The following ANKRD46 variants were observed in gnomAD, a reference collection of about 807,000 sequenced individuals.
ANKRD46 encodes ankyrin repeat domain-containing protein 46.
ANKRD46 carries 13 observed loss-of-function variants against 19.8 expected under a neutral mutation model. The observed-to-expected ratio is 0.66, with a 90% CI of 0.43 to 1.04. The LOEUF (loss-of-function observed/expected upper bound fraction) is 1.04, where lower values mean the gene tolerates loss of function less well. ANKRD46 is among the 50% of genes least tolerant of loss of function. The pLI is 0.00. For synonymous variants in ANKRD46, 91 were observed against 106.9 expected (o/e 0.85, Z 0.92); for missense variants, 185 against 274.8 (o/e 0.67, Z 2.31).
Position 100,529,943 on chromosome 8 carries a change from A to C in ANKRD46, c.-27-83T>G. 1.1e-4 allele frequency: 119 copies of C among 1,127,238 alleles called. No homozygotes were observed. The highest frequency in any genetic ancestry group is 1.3e-4 in the Non-Finnish European group (103 of 808,976). 69.8% of individuals were successfully genotyped at this position (1,127,238 alleles called of 1,614,324 possible). ...GTCATTTAGAAAAGCAATATTTCTC[A>C]TCCTTTTTGGCCTCCTGCCTCTAAT... On this transcript the variant is annotated intron_variant, in intron 2 of 4. Coordinates refer to ENST00000335659, the MANE Select transcript of ANKRD46 (RefSeq NM_001270377.2). This position sits in a 1 kb window ranked among gnomAD's most constrained non-coding sequence, Gnocchi z 5.8.
chr8:100,535,221 T>G (rs1264531382), intron 1 of ANKRD46, among the ~76,000 whole-genome samples: 1 of 152,202 alleles, frequency 6.6e-6, no homozygotes, highest in Non-Finnish European at 1.5e-5. Context: ...TAGACCTTAC[T>G]CACTAGACTC....
In ANKRD46 at chr8:100,510,517, G is replaced by A. The variant is rs1487556215; in HGVS notation, c.*60C>T. 8.8e-6 allele frequency: 13 copies of A among 1,475,468 alleles called. No homozygotes were observed. Among genetic ancestry groups the A allele is most frequent in the Middle Eastern group, 2.2e-4 (1 of 4,582 alleles). 91.4% of individuals were successfully genotyped at this position (1,475,468 alleles called of 1,614,324 possible). ...AGCCCCACCCAACAGGGACGCTGAC[G>A]TCTGTATCCCTTCTTTCTTGCCTTC... On this transcript the variant is annotated 3_prime_UTR_variant, in exon 6 of 6. Transcript: ENST00000520552. This position sits in a 1 kb window ranked among gnomAD's most constrained non-coding sequence, Gnocchi z 4.9.
rs1586778962 is a variant in ANKRD46 at position 100,521,690 on chromosome 8, A to G, written c.*865T>C. 2 of 985,334 alleles carry G rather than the reference A, an allele frequency of 2.0e-6. No homozygotes were observed. The highest frequency in any genetic ancestry group is 2.4e-6 in the Non-Finnish European group (2 of 829,944). The allele number at this position is 985,334 out of a possible 1,614,324, so 61.0% of individuals were successfully genotyped here. A position where few individuals can be genotyped will look rare whatever the true frequency, so the allele number is the denominator to read the frequency against. On this transcript the variant is annotated 3_prime_UTR_variant, in exon 5 of 5. Coordinates refer to ENST00000335659, the MANE Select transcript of ANKRD46 (RefSeq NM_001270377.2). The stretch of plus-strand genomic sequence containing the variant: ...AACTGTGACAACACAGCTAGCTTAT[A>G]GAACTGAGTTTTTCACTATAATAGC...
downstream of ANKRD46, among the ~76,000 whole-genome samples, chr8:100,519,085 T>A (rs188483567): frequency 1.3e-3 from 202 of 152,298 alleles, no homozygotes; most frequent in Non-Finnish European, 2.0e-3. Context: ...GCCCACTGAT[T>A]GCCAGGAGTG....
intron 1 of ANKRD46, among the ~76,000 whole-genome samples, chr8:100,555,493 G>A (rs1736568478): frequency 6.7e-6 from 1 of 149,050 alleles, no homozygotes. Context: ...AAAAAAAAAA[G>A]ACTATAAGTT....
intron 1 of ANKRD46, among the ~76,000 whole-genome samples, chr8:100,555,497 A>G (rs1371759050): frequency 6.6e-6 from 1 of 151,342 alleles, no homozygotes; most frequent in African/African-American, 2.4e-5. Context: ...AAAAAAGACT[A>G]TAAGTTAAAT....
At chr8:100,530,292 T>C (rs750421720) in intron 2 of ANKRD46, among the ~76,000 whole-genome samples, 2 of 152,262 alleles carry the variant, frequency 1.3e-5, no homozygotes, top group Non-Finnish European at 2.9e-5. Flanking sequence ...ATTTGCTTCT[T>C]CTTGTATTTG....
At chr8:100,548,874 T>C (rs1018576884) in intron 1 of ANKRD46, among the ~76,000 whole-genome samples, 1 of 152,236 alleles carries the variant, frequency 6.6e-6, no homozygotes, top group African/African-American at 2.4e-5. Flanking sequence ...TGAACATCTT[T>C]TAATGTCTGA....
rs16898521 is a variant in ANKRD46, at chr8:100,530,145, C to T, written c.-27-285G>A. ...GAGATATTTTTAAAGTTAAGCAAGA[C>T]ATAATAGCTTAGATTTAAGTATTAC... On this transcript the variant is annotated intron_variant, in intron 2 of 4. Coordinates refer to ENST00000335659, the MANE Select transcript of ANKRD46 (RefSeq NM_001270377.2). Among the ~76,000 whole-genome samples, 1,154 of 152,288 alleles carry T rather than the reference C, an allele frequency of 7.6e-3. 18 individuals are homozygous for T. Among genetic ancestry groups the T allele is most frequent in the African/African-American group, 0.026 (1,071 of 41,550 alleles).
At chr8:100,548,203 G>A (rs1812311688) in intron 1 of ANKRD46, among the ~76,000 whole-genome samples, 1 of 151,786 alleles carries the variant, frequency 6.6e-6, no homozygotes, top group Non-Finnish European at 1.5e-5. Flanking sequence ...TAAAACAACA[G>A]CCAAAATCCT....
At chr8:100,528,990 G>A (rs1275618429) in intron 3 of ANKRD46, among the ~76,000 whole-genome samples, 1 of 152,226 alleles carries the variant, frequency 6.6e-6, no homozygotes, top group Non-Finnish European at 1.5e-5. Flanking sequence ...GGGAGATTAT[G>A]AAGCTCACAT....
At chr8:100,548,700 G>A (rs1482998363) in intron 1 of ANKRD46, among the ~76,000 whole-genome samples, 3 of 152,158 alleles carry the variant, frequency 2.0e-5, no homozygotes, top group Non-Finnish European at 4.4e-5. Flanking sequence ...AGTGGAGTCT[G>A]GAAGTCAGTA....
chr8:100,516,940 T>C (rs910939879), downstream of ANKRD46, among the ~76,000 whole-genome samples: 3 of 152,136 alleles, frequency 2.0e-5, no homozygotes, highest in Admixed American at 6.6e-5. Flanking sequence ...CACAGCAGGA[T>C]GGTGACAAGA....
At chr8:100,539,755 A>C (rs1812137624) in intron 1 of ANKRD46, among the ~76,000 whole-genome samples, 1 of 152,244 alleles carries the variant, frequency 6.6e-6, no homozygotes, top group Non-Finnish European at 1.5e-5. Context: ...TAATACTTAA[A>C]GACAGGCCAC....
Position 100,510,480 on chromosome 8 carries a change from C to A in ANKRD46, c.*97G>T. 8.4e-7 allele frequency: 1 copy of A among 1,183,900 alleles called. No individual in the cohort carries two copies. The allele number at this position is 1,183,900 out of a possible 1,614,324, so 73.3% of individuals were successfully genotyped here. A position where few individuals can be genotyped will look rare whatever the true frequency, so the allele number is the denominator to read the frequency against. On this transcript the variant is annotated 3_prime_UTR_variant, in exon 6 of 6. Coordinates refer to the ANKRD46 transcript ENST00000520552. The surrounding 1 kb of genome is among the most constrained non-coding windows in gnomAD (Gnocchi z 4.9). ...TGAGATGATGCTCCATGACACAAGT[C>A]GTGACGGAAACAGCCCCACCCAACA...
At position 100,550,171 on chromosome 8, in the gene ANKRD46, G is replaced by A. The variant is rs999710582; in HGVS notation, c.-131+9540C>T. Among the ~76,000 whole-genome samples the A allele has an allele frequency of 2.4e-4, 36 of 152,150 alleles. No individual in the cohort carries two copies. The highest frequency in any genetic ancestry group is 7.0e-4 in the African/African-American group (29 of 41,434). On this transcript the variant is annotated intron_variant, in intron 1 of 4. Coordinates refer to ENST00000335659, the MANE Select transcript of ANKRD46 (RefSeq NM_001270377.2). This position sits in a 1 kb window ranked among gnomAD's most constrained non-coding sequence, Gnocchi z 4.4. ...TGTGTGGACAGTTTTTCACTCCTTT[G>A]GGTAAATACCAAGGAGCATGATTGC... is the stretch of plus-strand genomic sequence containing the variant.
intron 5 of ANKRD46, among the ~76,000 whole-genome samples, chr8:100,514,338 T>A (rs745354209): frequency 6.6e-6 from 1 of 152,170 alleles, no homozygotes; most frequent in African/African-American, 2.4e-5. Context: ...AAACATTAAT[T>A]TGTAATGATT....
intron 3 of ANKRD46, 66 bp from the exon 4 acceptor site, chr8:100,528,069 T>C: frequency 2.8e-6 from 4 of 1,415,860 alleles, no homozygotes; most frequent in South Asian, 1.6e-5. Flanking sequence ...TTATACTACA[T>C]TGTCAGTTCC....
rs1163489278 is a variant in ANKRD46, at chr8:100,537,969, T to C, written c.-130-4658A>G. Among the ~76,000 whole-genome samples the C allele has an allele frequency of 1.4e-4, 21 of 152,176 alleles. No homozygotes were observed. Among genetic ancestry groups the C allele is most frequent in the Admixed American group, 1.2e-3 (18 of 15,272 alleles). On this transcript the variant is annotated intron_variant, in intron 1 of 4. Transcript: ENST00000335659. The surrounding 1 kb of genome is among the most constrained non-coding windows in gnomAD (Gnocchi z 4.2). Reference sequence around the variant, plus strand: ...AAGATAACCAGGAGAAAACAGTTCATGTAAAACTTTGTTGCTTGTTCACAA... The same window carrying C: ...AAGATAACCAGGAGAAAACAGTTCACGTAAAACTTTGTTGCTTGTTCACAA...
Sources: gnomAD v4.1 joint callset for allele counts (sites outside exome capture counted in the v4.1 genomes callset) on GRCh38, gnomAD v4.1.1 for gene constraint, Gnocchi (gnomAD v3.1) non-coding constraint, MANE v1.5 for transcripts, NCBI Gene and HGNC (gene_info 2026-07-23, HGNC 2026-07-21) for gene names.